The following CCDC60 variants were observed in gnomAD, a reference collection of about 807,000 sequenced individuals.
CCDC60 encodes coiled-coil domain containing 60.
Under a neutral mutation model 63.5 loss-of-function variants are expected in CCDC60, and 54 were observed. That is an observed-to-expected ratio of 0.85 (90% CI 0.68 to 1.07). The LOEUF (loss-of-function observed/expected upper bound fraction) is 1.07. CCDC60 is among the 50% of genes least tolerant of loss of function. The pLI, the probability that CCDC60 is intolerant of heterozygous loss-of-function variation, is 0.00. For missense variants in CCDC60, 651 were observed against 684.3 expected (o/e 0.95, Z 0.54); for synonymous variants, 206 against 238.8 (o/e 0.86, Z 1.27).
intron 4 of CCDC60, among the ~76,000 whole-genome samples, chr12:119,484,148 A>T (rs1269800045): frequency 6.6e-6 from 1 of 152,156 alleles, no homozygotes; most frequent in South Asian, 2.1e-4. Flanking sequence ...TCACATTCCA[A>T]CTCTGCCATT....
At chr12:119,508,192 G>T (rs977086061) in intron 7 of CCDC60, among the ~76,000 whole-genome samples, 1 of 151,344 alleles carries the variant, frequency 6.6e-6, no homozygotes, top group African/African-American at 2.4e-5. Flanking sequence ...TAATAAAGAA[G>T]AAAGTTATGG....
At chr12:119,486,015 G>A (rs1257222201) in intron 4 of CCDC60, among the ~76,000 whole-genome samples, 2 of 152,132 alleles carry the variant, frequency 1.3e-5, no homozygotes, top group African/African-American at 4.8e-5. Context: ...GGCCTGCAGG[G>A]GCTCCAAGCT....
intron 2 of CCDC60, chr12:119,433,279 G>A: frequency 1.6e-6 from 1 of 633,804 alleles, no homozygotes; most frequent in Non-Finnish European, 2.8e-6. Flanking sequence ...GGTGATACAG[G>A]CAACAGTTGT....
At chr12:119,516,757 C>T in intron 8 of CCDC60, 50 bp downstream of exon 8, 1 of 1,291,398 alleles carries the variant, frequency 7.7e-7, no homozygotes, top group Non-Finnish European at 1.1e-6. Flanking sequence ...TAATAGCAAT[C>T]ACATTAACAG....
chr12:119,341,086 G>A (rs888688169), intron 1 of CCDC60, among the ~76,000 whole-genome samples: 1 of 152,170 alleles, frequency 6.6e-6, no homozygotes, highest in African/African-American at 2.4e-5. Flanking sequence ...TTTTGTTTAG[G>A]TGGTTTGTTT....
At chr12:119,508,403 C>T (rs1952112384) in intron 7 of CCDC60, among the ~76,000 whole-genome samples, 1 of 151,904 alleles carries the variant, frequency 6.6e-6, no homozygotes, top group Admixed American at 6.6e-5. Flanking sequence ...ATCGCTTGAA[C>T]CCTGGAGGCA....
chr12:119,407,454 C>G (rs950428814), intron 1 of CCDC60, among the ~76,000 whole-genome samples: 1 of 152,144 alleles, frequency 6.6e-6, no homozygotes, highest in South Asian at 2.1e-4. Flanking sequence ...ATCACTTGAG[C>G]CCGAGAGTTC....
At chr12:119,381,345 C>T (rs1956005787) in intron 1 of CCDC60, among the ~76,000 whole-genome samples, 1 of 152,152 alleles carries the variant, frequency 6.6e-6, no homozygotes, top group South Asian at 2.1e-4. Context: ...TGAACTGAGC[C>T]ATGATGACCT....
intron 1 of CCDC60, among the ~76,000 whole-genome samples, chr12:119,355,823 A>G (rs538519928): frequency 1.2e-4 from 19 of 152,338 alleles, no homozygotes; most frequent in African/African-American, 2.6e-4. Flanking sequence ...GGTAATTTCC[A>G]GGTTGTCGGG....
At chr12:119,511,264 G>C (rs1343773609) in intron 7 of CCDC60, among the ~76,000 whole-genome samples, 2 of 152,118 alleles carry the variant, frequency 1.3e-5, no homozygotes, top group African/African-American at 4.8e-5. Flanking sequence ...CTGAATTCAG[G>C]AGTCCTATTC....
chr12:119,337,302 G>A (rs78793556), intron 1 of CCDC60, among the ~76,000 whole-genome samples: 130 of 152,342 alleles, frequency 8.5e-4, no homozygotes, highest in African/African-American at 3.0e-3. Flanking sequence ...GGGAAAGAAT[G>A]AAGAGGGAAA....
intron 1 of CCDC60, among the ~76,000 whole-genome samples, chr12:119,379,713 C>T (rs1212466699): frequency 6.6e-6 from 1 of 152,130 alleles, no homozygotes; most frequent in Non-Finnish European, 1.5e-5. Flanking sequence ...CAGATGGTAA[C>T]TGATGTGTGG....
chr12:119,374,893 G>A (rs1385519975), intron 1 of CCDC60, among the ~76,000 whole-genome samples: 2 of 152,164 alleles, frequency 1.3e-5, no homozygotes, highest in African/African-American at 4.8e-5. Context: ...GTGTCTTTTA[G>A]CATAATGCAT....
intron 11 of CCDC60, among the ~76,000 whole-genome samples, chr12:119,528,020 G>C (rs1952738238): frequency 6.6e-6 from 1 of 152,032 alleles, no homozygotes; most frequent in Non-Finnish European, 1.5e-5. Flanking sequence ...TGGAAGAGAA[G>C]GGATGGAAAG....
At chr12:119,347,782 A>T (rs997078811) in intron 1 of CCDC60, among the ~76,000 whole-genome samples, 2 of 152,180 alleles carry the variant, frequency 1.3e-5, no homozygotes, top group African/African-American at 4.8e-5. Flanking sequence ...CCTCTCCTCC[A>T]TGCAAAAATA....
chr12:119,540,346 T>C (rs1302277709), intron 13 of CCDC60, among the ~76,000 whole-genome samples: 2 of 152,204 alleles, frequency 1.3e-5, no homozygotes, highest in African/African-American at 4.8e-5. Flanking sequence ...TGCAGATAGC[T>C]GGGACTTCCT....
rs144851955 is a variant in CCDC60, at chr12:119,538,382, G to GAT, written c.1552-2230_1552-2229dup. Among the ~76,000 whole-genome samples the GAT allele has an allele frequency of 3.2e-3, 487 of 152,340 alleles. 2 individuals carry two copies. The highest frequency in any genetic ancestry group is 0.014 in the South Asian group (66 of 4,830). On this transcript the variant is annotated intron_variant, in intron 13 of 13. Transcript: ENST00000327554. ...ACCCCTTGCACTTCCTGGGTGAGGC[G>GAT]ATACCCTGCCCTGTTTCGGCTTGCC... is the stretch of plus-strand genomic sequence containing the variant.
At chr12:119,421,959 C>T (rs1956820692) in intron 1 of CCDC60, among the ~76,000 whole-genome samples, 1 of 152,170 alleles carries the variant, frequency 6.6e-6, no homozygotes, top group South Asian at 2.1e-4. Flanking sequence ...ACTGTTAGTC[C>T]ATGCGTGCTC....
chr12:119,398,255 C>T (rs930167699), intron 1 of CCDC60, among the ~76,000 whole-genome samples: 9 of 151,822 alleles, frequency 5.9e-5, no homozygotes, highest in Non-Finnish European at 1.2e-4. Flanking sequence ...CTGGGGGACC[C>T]GGCGCAACCT....
Sources: gnomAD v4.1 joint callset for allele counts (sites outside exome capture counted in the v4.1 genomes callset) on GRCh38, gnomAD v4.1.1 for gene constraint, MANE v1.5 for transcripts, NCBI Gene and HGNC (gene_info 2026-07-23, HGNC 2026-07-21) for gene names.